Variants in FOXP2 observed in about 807,000 individuals in gnomAD.
The protein encoded by FOXP2 is forkhead box P2.
In FOXP2, 12 loss-of-function variants were observed where a neutral mutation model predicts 115.8. The observed-to-expected ratio is 0.10, with a 90% CI of 0.07 to 0.17. FOXP2 has a LOEUF of 0.17. Ranked by LOEUF, FOXP2 falls within the 10% of genes least tolerant of loss-of-function variation. FOXP2 has a pLI of 1.00. For synonymous variants in FOXP2, 328 were observed against 297.7 expected (o/e 1.10, Z -1.05); for missense variants, 629 against 843.5 (o/e 0.75, Z 3.15).
At chr7:114,105,249 A>G (rs931789039) in intron 1 of FOXP2, among the ~76,000 whole-genome samples, 7 of 151,982 alleles carry the variant, frequency 4.6e-5, no homozygotes, top group African/African-American at 1.7e-4. Context: ...CTCAATATAT[A>G]CATTATTTTA....
At chr7:114,487,627 T>C (rs1796855606) in intron 2 of FOXP2, among the ~76,000 whole-genome samples, 3 of 152,262 alleles carry the variant, frequency 2.0e-5, no homozygotes, top group African/African-American at 7.2e-5. Context: ...CTTTGTTGCT[T>C]AGAAAATTCT....
chr7:114,346,180 A>T (rs534797424), intron 2 of FOXP2, among the ~76,000 whole-genome samples: 4 of 151,822 alleles, frequency 2.6e-5, no homozygotes, highest in Non-Finnish European at 5.9e-5. Context: ...AGTAATTTTA[A>T]ATCAACTAAT....
At chr7:114,128,140 A>G (rs1229773689) in intron 1 of FOXP2, among the ~76,000 whole-genome samples, 2 of 152,064 alleles carry the variant, frequency 1.3e-5, no homozygotes, top group East Asian at 1.9e-4. Context: ...ACTTTATTTT[A>G]CTCCTTAATA....
intron 1 of FOXP2, among the ~76,000 whole-genome samples, chr7:114,214,131 A>G (rs565756937): frequency 2.0e-5 from 3 of 152,188 alleles, no homozygotes; most frequent in Non-Finnish European, 4.4e-5. Context: ...TGTTTGCTCC[A>G]TGTGAGATTT....
At chr7:114,254,265 A>G (rs903386063) in intron 1 of FOXP2, among the ~76,000 whole-genome samples, 1 of 151,926 alleles carries the variant, frequency 6.6e-6, no homozygotes, top group South Asian at 2.1e-4. Flanking sequence ...TCTGACAATT[A>G]GTGTCTTGGA....
At chr7:114,471,404 C>A (rs2129230561) in intron 2 of FOXP2, among the ~76,000 whole-genome samples, 1 of 152,216 alleles carries the variant, frequency 6.6e-6, no homozygotes, top group Middle Eastern at 3.4e-3. Context: ...TGACACTTTG[C>A]ATCAGCTAAT....
intron 1 of FOXP2, among the ~76,000 whole-genome samples, chr7:114,231,990 AG>A (rs1794888035): frequency 6.6e-6 from 1 of 152,218 alleles, no homozygotes; most frequent in Non-Finnish European, 1.5e-5. Flanking sequence ...TCTTAAAAAA[AG>A]GAACTCCTAC....
chr7:114,684,318 A>G (rs1808244753), intron 16 of FOXP2, among the ~76,000 whole-genome samples: 1 of 152,234 alleles, frequency 6.6e-6, no homozygotes, highest in African/African-American at 2.4e-5. Context: ...GTTGAAATGC[A>G]GCAGGGAATT....
At chr7:114,682,153 G>T (rs1169388824) in intron 16 of FOXP2, among the ~76,000 whole-genome samples, 1 of 152,116 alleles carries the variant, frequency 6.6e-6, no homozygotes, top group Non-Finnish European at 1.5e-5. Context: ...GATACAGAGA[G>T]GTTAAGTAGC....
At position 114,654,182 on chromosome 7, in the gene FOXP2, A is replaced by G. The variant is rs983541651; in HGVS notation, c.1266+173A>G. 9.4e-5 allele frequency: 136 copies of G among 1,449,106 alleles called. No individual in the cohort carries two copies. In the African/African-American group the frequency reaches 1.8e-3, roughly 19 times the overall value. 89.8% of individuals were successfully genotyped at this position (1,449,106 alleles called of 1,614,324 possible). A position where few individuals can be genotyped will look rare whatever the true frequency, so the allele number is the denominator to read the frequency against. On this transcript the variant is annotated intron_variant, in intron 10 of 16. Transcript: ENST00000350908. Reference sequence around the variant, plus strand: ...TGTATGTTTCTTTTAAAGTAATGCTATCTTTTACAAAATCTATCCAATCTA... The same window carrying G: ...TGTATGTTTCTTTTAAAGTAATGCTGTCTTTTACAAAATCTATCCAATCTA...
chr7:114,267,013 A>C (rs1474888330), intron 1 of FOXP2, among the ~76,000 whole-genome samples: 1 of 152,176 alleles, frequency 6.6e-6, no homozygotes, highest in Non-Finnish European at 1.5e-5. Flanking sequence ...AGTTCATTGG[A>C]AGGAGGGAAA....
chr7:114,511,197 G>T (rs1399737592), intron 2 of FOXP2, among the ~76,000 whole-genome samples: 1 of 152,066 alleles, frequency 6.6e-6, no homozygotes, highest in Admixed American at 6.6e-5. Context: ...ACCCACCAGG[G>T]CCTGTCAGGG....
chr7:114,106,518 A>G (rs1316680602), intron 1 of FOXP2, among the ~76,000 whole-genome samples: 3 of 152,006 alleles, frequency 2.0e-5, no homozygotes, highest in Admixed American at 2.0e-4. Flanking sequence ...AGAAAGGGAA[A>G]TAGCAATTTA....
intron 2 of FOXP2, among the ~76,000 whole-genome samples, chr7:114,480,376 A>G (rs1389219415): frequency 4.6e-5 from 7 of 151,738 alleles, no homozygotes; most frequent in Admixed American, 4.6e-4. Context: ...GTTGTCTAGA[A>G]AAGCAACAAG....
intron 3 of FOXP2, among the ~76,000 whole-genome samples, chr7:114,547,951 C>G (rs1800013948): frequency 6.6e-6 from 1 of 152,114 alleles, no homozygotes; most frequent in Admixed American, 6.5e-5. Context: ...TTATTAGCTA[C>G]TCTGTTTAGG....
At position 114,689,992 on chromosome 7, in the gene FOXP2, A is replaced by G. The variant is rs1416097683; in HGVS notation, c.*66A>G. On this transcript the variant is annotated 3_prime_UTR_variant, in exon 17 of 17. Transcript: ENST00000350908. The stretch of plus-strand genomic sequence containing the variant: ...TGACCTTCATAACCACTCCACAACC[A>G]TGAATATTTGACAAATTTTTACTGT... The G allele has an allele frequency of 1.3e-6, 2 of 1,592,330 alleles. No individual in the cohort carries two copies. The highest frequency in any genetic ancestry group is 1.7e-6 in the Non-Finnish European group (2 of 1,165,430).
At chr7:114,229,099 ATATACT>A (rs1181124593) in intron 1 of FOXP2, among the ~76,000 whole-genome samples, 4 of 151,568 alleles carry the variant, frequency 2.6e-5, no homozygotes, top group African/African-American at 9.7e-5. Flanking sequence ...GCAAAGGTAG[ATATACT>A]TATATCAACC....
chr7:114,629,856 C>A lies in FOXP2; in HGVS notation c.448C>A (p.Leu150Ile). The A allele has an allele frequency of 6.2e-7, 1 of 1,613,044 alleles. No individual in the cohort carries two copies. Among genetic ancestry groups the A allele is most frequent in the Non-Finnish European group, 8.5e-7 (1 of 1,179,922 alleles). The change falls in exon 5 of 17, where the codon CTT becomes ATT. Residue 150 changes from leucine (L) to isoleucine (I), a missense_variant. Around this residue, in one of 9 missense-constraint regions of FOXP2, gnomAD observed 138 missense variants for 205.1 expected, o/e 0.67. Transcript: ENST00000350908. ...ACAGCAAGAGCAGTTACATCTTCAG[C>A]TTTTGCAGCAGCAGCAGCAACAGCA... ...KKQQEQLHLQ[L>I]LQQQQQQQQQ...
intron 2 of FOXP2, among the ~76,000 whole-genome samples, chr7:114,307,237 A>G (rs1225807629): frequency 2.6e-5 from 4 of 152,042 alleles, no homozygotes; most frequent in Admixed American, 2.0e-4. Context: ...GCATTTAACT[A>G]AGGCTACTAT....
Sources: gnomAD v4.1 joint callset for allele counts (sites outside exome capture counted in the v4.1 genomes callset) on GRCh38, gnomAD v4.1.1 for gene constraint, gnomAD v4.1.1 regional missense constraint, MANE v1.5 for transcripts, NCBI Gene and HGNC (gene_info 2026-07-23, HGNC 2026-07-21) for gene names.